Variants in NTRK3 observed in about 807,000 individuals in gnomAD.
NTRK3 encodes NT-3 growth factor receptor.
NTRK3 carries 24 observed loss-of-function variants against 91.7 expected under a neutral mutation model. The ratio of observed to expected loss-of-function variants is 0.26; its 90% CI spans 0.19 to 0.37. The LOEUF (loss-of-function observed/expected upper bound fraction) is 0.37, where lower values mean the gene tolerates loss of function less well. Ranked by LOEUF, NTRK3 falls within the 10% of genes least tolerant of loss-of-function variation. The probability of loss-of-function intolerance (pLI) is 1.00; values close to 1 mark genes in which losing one functional copy is unlikely to be tolerated. For synonymous variants in NTRK3, 483 were observed against 404.0 expected (o/e 1.20, Z -2.34); for missense variants, 880 against 1,068.9 (o/e 0.82, Z 2.46).
chr15:88,249,529 C>G (rs1286012420), intron 3 of NTRK3, among the ~76,000 whole-genome samples: 6 of 152,178 alleles, frequency 3.9e-5, no homozygotes, highest in Non-Finnish European at 8.8e-5. Flanking sequence ...GGCTGAGTCC[C>G]TGCCCACTCT....
At chr15:87,990,525 G>A (rs2075205302) in intron 14 of NTRK3, among the ~76,000 whole-genome samples, 2 of 152,090 alleles carry the variant, frequency 1.3e-5, no homozygotes, top group Non-Finnish European at 2.9e-5. Flanking sequence ...TTTTGTCATT[G>A]TTACATATTT....
chr15:88,108,345 T>C (rs985209330), intron 13 of NTRK3, among the ~76,000 whole-genome samples: 1 of 152,214 alleles, frequency 6.6e-6, no homozygotes, highest in Non-Finnish European at 1.5e-5. Flanking sequence ...CGCTGGGATC[T>C]TGGACACACA....
intron 3 of NTRK3, among the ~76,000 whole-genome samples, chr15:88,236,182 C>G (rs1384075932): frequency 1.3e-5 from 2 of 152,130 alleles, no homozygotes; most frequent in Non-Finnish European, 2.9e-5. Flanking sequence ...TACTCCAAAA[C>G]TAGAAACAAC....
At chr15:87,884,592 C>A (rs1053935408) in intron 17 of NTRK3, among the ~76,000 whole-genome samples, 2 of 151,566 alleles carry the variant, frequency 1.3e-5, no homozygotes, top group Non-Finnish European at 3.0e-5. Flanking sequence ...AATATACTCT[C>A]CAAATACAAA....
In NTRK3 at chr15:88,136,869, G is replaced by A. The variant is rs1110306; in HGVS notation, c.623-260C>T. On this transcript the variant is annotated intron_variant, in intron 7 of 18. Coordinates refer to ENST00000394480, the Ensembl canonical transcript of NTRK3. Reference sequence around the variant, plus strand: ...GGTTGCGGGGTGGGGGCAGTGCTTAGGGAATGCATTTCTGGCAATTAAGCT... The same window carrying A: ...GGTTGCGGGGTGGGGGCAGTGCTTAAGGAATGCATTTCTGGCAATTAAGCT... 0.53 allele frequency among the ~76,000 whole-genome samples: 80,268 copies of A among 152,084 alleles called. 22,282 individuals are homozygous for A. The highest frequency in any genetic ancestry group is 0.71 in the African/African-American group (29,603 of 41,464).
At chr15:88,001,049 T>C (rs1314809790) in intron 14 of NTRK3, among the ~76,000 whole-genome samples, 1 of 152,184 alleles carries the variant, frequency 6.6e-6, no homozygotes, top group Non-Finnish European at 1.5e-5. Context: ...ACCATTCCAG[T>C]GGGTATAAAA....
chr15:87,889,710 G>A (rs907486502), intron 17 of NTRK3, among the ~76,000 whole-genome samples: 13 of 152,016 alleles, frequency 8.6e-5, no homozygotes, highest in African/African-American at 1.7e-4. Flanking sequence ...TACAGAGTTG[G>A]GTGGCCCCTG....
chr15:87,864,504 A>C (rs2064610856), exon 19 of NTRK3: 1 of 229,506 alleles, frequency 4.4e-6, no homozygotes, highest in Admixed American at 5.7e-5. Context: ...TTAAATAATC[A>C]GCCTTGTCTT....
intron 12 of NTRK3, 85 bp from the exon 13 acceptor site, chr15:88,126,458 C>A: frequency 1.2e-6 from 1 of 840,696 alleles, no homozygotes; most frequent in Non-Finnish European, 2.0e-6. Flanking sequence ...CAGATAAGAA[C>A]AGTCCTACTG....
At position 88,191,665 on chromosome 15, in the gene NTRK3, T is replaced by C. The variant is rs535403953; in HGVS notation, c.249-7366A>G. 2.0e-5 allele frequency among the ~76,000 whole-genome samples: 3 copies of C among 152,354 alleles called. No homozygotes were observed. The South Asian group carries it at 6.2e-4, about 32-fold the overall frequency. On this transcript the variant is annotated intron_variant, in intron 3 of 18. Transcript: ENST00000394480. Reference sequence around the variant, plus strand: ...CCGCGCTTTTGACTCCGAAGCCTTGTAGGGCAATGAGGAAATTGATTTGTT... The same window carrying C: ...CCGCGCTTTTGACTCCGAAGCCTTGCAGGGCAATGAGGAAATTGATTTGTT...
intron 5 of NTRK3, among the ~76,000 whole-genome samples, chr15:88,167,102 C>T (rs377387980): frequency 1.3e-5 from 2 of 152,156 alleles, no homozygotes; most frequent in East Asian, 1.9e-4. Flanking sequence ...ATGGTATTAT[C>T]CATATAATCA....
At chr15:87,877,276 G>A (rs1395437150) in intron 18 of NTRK3, among the ~76,000 whole-genome samples, 156 bp from the exon 20 acceptor site, 1 of 152,172 alleles carries the variant, frequency 6.6e-6, no homozygotes, top group East Asian at 1.9e-4. Flanking sequence ...ATACAGCACT[G>A]GTATATTTGT....
intron 12 of NTRK3, 99 bp from the exon 13 acceptor site, chr15:88,126,472 T>C (rs894806670): frequency 5.4e-6 from 4 of 735,586 alleles, no homozygotes; most frequent in African/African-American, 5.3e-5. Flanking sequence ...CCTACTGCCA[T>C]AGTAATTGTA....
intron 15 of NTRK3, among the ~76,000 whole-genome samples, chr15:87,936,263 G>A (rs758323400): frequency 6.6e-6 from 1 of 152,156 alleles, no homozygotes; most frequent in Admixed American, 6.5e-5. Context: ...CGTTTGTATA[G>A]TATCTTTAGT....
At chr15:88,252,731 T>C (rs1297103228) in intron 3 of NTRK3, 1 of 152,078 alleles carries the variant, frequency 6.6e-6, no homozygotes, top group Admixed American at 6.5e-5. Flanking sequence ...TTCCTGTGTA[T>C]CAACAGCTGC....
chr15:87,924,462 T>G (rs2068127234), intron 17 of NTRK3, among the ~76,000 whole-genome samples: 1 of 152,172 alleles, frequency 6.6e-6, no homozygotes, highest in Non-Finnish European at 1.5e-5. Context: ...CCCACACCTG[T>G]GTGTCATAAA....
chr15:88,188,116 C>T (rs1028575081), intron 3 of NTRK3, among the ~76,000 whole-genome samples: 2 of 152,100 alleles, frequency 1.3e-5, no homozygotes, highest in African/African-American at 4.8e-5. Context: ...TAGCAATGCC[C>T]AAGGGACTGT....
chr15:88,034,392 G>T (rs2078884762), intron 13 of NTRK3, among the ~76,000 whole-genome samples: 1 of 152,196 alleles, frequency 6.6e-6, no homozygotes, highest in South Asian at 2.1e-4. Context: ...AAAAGCCCAA[G>T]ATGGCAAAGA....
At chr15:87,900,058 G>C (rs1396327416) in intron 17 of NTRK3, among the ~76,000 whole-genome samples, 1 of 152,156 alleles carries the variant, frequency 6.6e-6, no homozygotes, top group Non-Finnish European at 1.5e-5. Context: ...TAGATCACTT[G>C]CAGGACCACA....
Sources: allele counts gnomAD v4.1 joint callset (sites outside exome capture counted in the v4.1 genomes callset), GRCh38; gene constraint gnomAD v4.1.1; transcripts MANE v1.5; gene names NCBI Gene and HGNC (gene_info 2026-07-23, HGNC 2026-07-21).